The following NFXL1 variants were observed in gnomAD, a reference collection of about 807,000 sequenced individuals.
NFXL1 encodes the protein NF-X1-type zinc finger protein NFXL1.
A neutral mutation model predicts 123.3 loss-of-function variants in NFXL1; 66 were observed. That is an observed-to-expected ratio of 0.54 (90% CI 0.44 to 0.66). The LOEUF (loss-of-function observed/expected upper bound fraction) is 0.66, where lower values mean the gene tolerates loss of function less well. Ranked by LOEUF, NFXL1 falls within the 30% of genes least tolerant of loss-of-function variation. The pLI, the probability that NFXL1 is intolerant of heterozygous loss-of-function variation, is 0.00. For missense variants in NFXL1, 944 were observed against 1,125.6 expected, an observed-to-expected ratio of 0.84 and a Z score of 2.31; for synonymous variants, 346 against 360.8, an observed-to-expected ratio of 0.96 and a Z score of 0.46.
At position 47,914,309 on chromosome 4, in the gene NFXL1, G is replaced by A. The variant is rs78090669; in HGVS notation, c.-3+56C>T. 4,621 of 920,184 alleles carry A rather than the reference G, an allele frequency of 5.0e-3. 172 individuals are homozygous for A. In the African/African-American group the frequency reaches 0.07, roughly 14 times the overall value. The allele number at this position is 920,184 out of a possible 1,614,324, so 57.0% of individuals were successfully genotyped here. Reference sequence around the variant, plus strand: ...AAACCCGGTGTGAGGGGCCGAGTGAGGAAGGTTCCTGCAGGGCGGCGACCG... The same window carrying A: ...AAACCCGGTGTGAGGGGCCGAGTGAAGAAGGTTCCTGCAGGGCGGCGACCG... On this transcript the variant is annotated intron_variant, in intron 1 of 22. Coordinates refer to ENST00000507489, the MANE Select transcript of NFXL1 (RefSeq NM_001278624.2).
intron 17 of NFXL1, among the ~76,000 whole-genome samples, chr4:47,877,716 T>G (rs752969691): frequency 2.0e-5 from 3 of 152,070 alleles, no homozygotes; most frequent in Non-Finnish European, 2.9e-5. Flanking sequence ...TATGTTGTCA[T>G]GTATTATAAA....
At chr4:47,870,068 A>G (rs1028228230) in intron 18 of NFXL1, among the ~76,000 whole-genome samples, 1 of 152,124 alleles carries the variant, frequency 6.6e-6, no homozygotes, top group African/African-American at 2.4e-5. Flanking sequence ...AACAACACAC[A>G]CACATCAGGC....
chr4:47,863,205 T>A (rs1734860696), intron 18 of NFXL1, among the ~76,000 whole-genome samples: 3 of 151,946 alleles, frequency 2.0e-5, no homozygotes, highest in Admixed American at 2.0e-4. Context: ...CTTTAATAGT[T>A]CCTGTAACTA....
Position 47,847,616 on chromosome 4 carries a change from G to A in NFXL1, c.*547C>T, listed in dbSNP as rs989631912. On this transcript the variant is annotated 3_prime_UTR_variant, in exon 23 of 23. Transcript: ENST00000507489. ...AATAACTATATATTCTGAAGAACAC[G>A]CCCCATGACATTTATTGATAAAAAT... 26 of 152,446 alleles carry A rather than the reference G, an allele frequency of 1.7e-4. No individual in the cohort carries two copies. Among genetic ancestry groups the A allele is most frequent in the African/African-American group, 6.0e-4 (25 of 41,406 alleles). The allele number at this position is 152,446 out of a possible 1,614,324, so 9.4% of individuals were successfully genotyped here.
At chr4:47,869,206 T>C (rs548970226) in intron 18 of NFXL1, among the ~76,000 whole-genome samples, 8 of 152,152 alleles carry the variant, frequency 5.3e-5, no homozygotes, top group African/African-American at 1.4e-4. Flanking sequence ...GCTTGGCCAA[T>C]AGAGTAAGAC....
chr4:47,859,841 C>CAAAAAAAAAAA (rs938207203), intron 19 of NFXL1, among the ~76,000 whole-genome samples: 8 of 14,310 alleles, frequency 5.6e-4, no homozygotes, highest in African/African-American at 7.6e-4. Context: ...GACTCCATCT[C>CAAAAAAAAAAA]AAAAAAAAAA....
At chr4:47,859,841 C>CAAAAAAAAAAAAAAAAAAAAAAAAAA (rs938207203) in intron 19 of NFXL1, among the ~76,000 whole-genome samples, 2 of 14,314 alleles carry the variant, frequency 1.4e-4, no homozygotes, top group Non-Finnish European at 2.4e-4. Context: ...GACTCCATCT[C>CAAAAAAAAAAAAAAAAAAAAAAAAAA]AAAAAAAAAA....
At chr4:47,874,962 G>A (rs1037026820) in intron 18 of NFXL1, among the ~76,000 whole-genome samples, 165 bp downstream of exon 18, 2 of 152,202 alleles carry the variant, frequency 1.3e-5, no homozygotes, top group South Asian at 2.1e-4. Flanking sequence ...TCAGGATGAA[G>A]TACCCAGAAA....
chr4:47,910,882 A>C lies in NFXL1; in HGVS notation c.348T>G (p.Phe116Leu). ...CAAGTATTTTTCCCTGTTTTCCTTCAAAATCTTCATCTCCTTCTTCAGATG... is the reference window on the plus strand; with the variant it reads ...CAAGTATTTTTCCCTGTTTTCCTTCCAAATCTTCATCTCCTTCTTCAGATG... Reference protein sequence around the residue: ...SSSSEEGDEDFEGKQGKILAN... With the variant: ...SSSSEEGDEDLEGKQGKILAN... Residue 116 changes from phenylalanine (F) to leucine (L), a missense_variant, in exon 3 of 23, where the codon TTT becomes TTG. By Grantham distance (22) the Phe-to-Leu change is conservative. Around this residue, in one of 4 missense-constraint regions of NFXL1, gnomAD observed 303 missense variants for 292.1 expected, o/e 1.04. Coordinates refer to ENST00000507489, the MANE Select transcript of NFXL1 (RefSeq NM_001278624.2). The C allele has an allele frequency of 6.2e-7, 1 of 1,603,464 alleles. No individual in the cohort carries two copies.
chr4:47,892,429 G>A (rs1002709843), intron 11 of NFXL1, among the ~76,000 whole-genome samples: 1 of 152,166 alleles, frequency 6.6e-6, no homozygotes, highest in African/African-American at 2.4e-5. Flanking sequence ...AACTTCTTGG[G>A]TCTTTGGCTG....
intron 13 of NFXL1, 93 bp from the exon 14 acceptor site, chr4:47,885,750 C>T: frequency 1.5e-6 from 2 of 1,344,408 alleles, no homozygotes; most frequent in East Asian, 2.4e-5. Flanking sequence ...CTTCTGATTC[C>T]ATATAGAATG....
chr4:47,862,756 C>T (rs1337884429), intron 19 of NFXL1, 90 bp downstream of exon 19: 6 of 764,844 alleles, frequency 7.8e-6, no homozygotes, highest in South Asian at 1.6e-5. Context: ...ACAGAGAAGA[C>T]CTGAAATAAT....
intron 20 of NFXL1, among the ~76,000 whole-genome samples, chr4:47,853,044 C>T (rs1469880007): frequency 6.6e-6 from 1 of 151,462 alleles, no homozygotes; most frequent in Non-Finnish European, 1.5e-5. Flanking sequence ...CAAAGACAGT[C>T]CAGACATAAG....
chr4:47,897,891 G>A (rs964022583), intron 9 of NFXL1, 76 bp downstream of exon 9: 3 of 889,806 alleles, frequency 3.4e-6, no homozygotes, highest in Non-Finnish European at 5.1e-6. Context: ...AAGTTTCCTG[G>A]AGGACGTCTT....
At chr4:47,892,003 C>G (rs1736801976) in intron 11 of NFXL1, among the ~76,000 whole-genome samples, 1 of 151,724 alleles carries the variant, frequency 6.6e-6, no homozygotes, top group Admixed American at 6.6e-5. Context: ...ATACTATGTG[C>G]CTATCCTATC....
At chr4:47,856,699 A>G (rs574504634) in intron 19 of NFXL1, among the ~76,000 whole-genome samples, 1 of 152,296 alleles carries the variant, frequency 6.6e-6, no homozygotes, top group Middle Eastern at 3.4e-3. Context: ...CTAAATTCAG[A>G]TCACTCACAC....
rs1734815939 is a variant in NFXL1 at position 47,862,354 on chromosome 4, C to G, written c.2316+492G>C. Among the ~76,000 whole-genome samples, 4 of 152,096 alleles carry G rather than the reference C, an allele frequency of 2.6e-5. No individual in the cohort carries two copies. The South Asian group carries it at 6.2e-4, about 24-fold the overall frequency. On this transcript the variant is annotated intron_variant, in intron 19 of 22. Transcript: ENST00000507489. ...ATCTGAATGGTACCAACACAAAAGGCCACAATGAAAATGCAGAGGTATCTT... is the reference window on the plus strand; with the variant it reads ...ATCTGAATGGTACCAACACAAAAGGGCACAATGAAAATGCAGAGGTATCTT...
chr4:47,863,284 A>C lies in NFXL1; in HGVS notation c.2247-369T>G, dbSNP rs140578212. On this transcript the variant is annotated intron_variant, in intron 18 of 22. Coordinates refer to ENST00000507489, the MANE Select transcript of NFXL1 (RefSeq NM_001278624.2). ...TTAATGCCCCTACATAAAAAAATTT[A>C]AAACTAATTATTTAATATGTTCAAA... Among the ~76,000 whole-genome samples, 361 of 152,386 alleles carry C rather than the reference A, an allele frequency of 2.4e-3. 3 individuals carry two copies. In the Middle Eastern group the frequency reaches 0.058, roughly 24 times the overall value.
chr4:47,863,140 T>TA, intron 18 of NFXL1, among the ~76,000 whole-genome samples: 1 of 152,316 alleles, frequency 6.6e-6, no homozygotes, highest in South Asian at 2.1e-4. Context: ...GCCAAAAGTG[T>TA]AATCGCTGCA....
Sources: gnomAD v4.1 joint callset for allele counts (sites outside exome capture counted in the v4.1 genomes callset) on GRCh38, gnomAD v4.1.1 for gene constraint, gnomAD v4.1.1 regional missense constraint, MANE v1.5 for transcripts, NCBI Gene and HGNC (gene_info 2026-07-23, HGNC 2026-07-21) for gene names.